Variants in JTB observed in about 807,000 individuals in gnomAD.
The protein encoded by JTB is protein JTB.
A neutral mutation model predicts 22.1 loss-of-function variants in JTB; 10 were observed. That is an observed-to-expected ratio of 0.45 (90% CI 0.28 to 0.77). The LOEUF is 0.77. Among genes scored for constraint, JTB ranks in the 30% least tolerant of loss-of-function variants. The pLI is 0.13. For missense variants in JTB, 137 were observed against 180.3 expected (o/e 0.76, Z 1.38); for synonymous variants, 83 against 66.8 (o/e 1.24, Z -1.18).
At chr1:153,975,386 T>G (rs1648758404) in intron 4 of JTB, among the ~76,000 whole-genome samples, 1 of 148,768 alleles carries the variant, frequency 6.7e-6, no homozygotes, top group African/African-American at 2.5e-5. Context: ...CCCAAAGTGC[T>G]GGGATTACAG....
intron 2 of JTB, 53 bp downstream of exon 2, chr1:153,976,923 C>T (rs920754162): frequency 8.1e-6 from 13 of 1,610,262 alleles, no homozygotes; most frequent in Non-Finnish European, 1.1e-5. Context: ...GGGGAAGATA[C>T]TAAAACCAAA....
rs1648776496 is a variant in JTB, at chr1:153,975,820, A to G, written c.284+6T>C. The G allele has an allele frequency of 9.3e-6, 15 of 1,609,536 alleles. No individual in the cohort carries two copies. The East Asian group carries it at 3.3e-4, about 36-fold the overall frequency. On this transcript the variant is annotated splice_donor_region_variant and intron_variant, in intron 4 of 4. Transcript: ENST00000271843. ...GGTGATCTCAGAGAAGAGAAACAGC[A>G]CTCACCTTTTGAACTCATTTCTCTT...
intron 3 of JTB, 37 bp from the exon 4 acceptor site, chr1:153,975,942 G>T (rs906916047): frequency 2.0e-6 from 3 of 1,469,800 alleles, no homozygotes; most frequent in Non-Finnish European, 2.9e-6. Flanking sequence ...ATGTTAGGAA[G>T]GGGCAACAGG....
In JTB at chr1:153,974,354, C is replaced by T. The variant is rs1039303751; in HGVS notation, c.*325G>A. The T allele has an allele frequency of 1.7e-5, 7 of 419,514 alleles. No homozygotes were observed. Among genetic ancestry groups the T allele is most frequent in the African/African-American group, 5.9e-5 (3 of 51,028 alleles). 26.0% of individuals were successfully genotyped at this position (419,514 alleles called of 1,614,324 possible). A position where few individuals can be genotyped will look rare whatever the true frequency, so the allele number is the denominator to read the frequency against. On this transcript the variant is annotated 3_prime_UTR_variant, in exon 5 of 5. Transcript: ENST00000271843. ...TTTGAGTGAGAAATAAACGTTTTAG[C>T]TGAAATTGTATCCCAGAAGTTTGAA...
rs923598287 is a variant in JTB, at chr1:153,977,364, G to T, written c.-112C>A. 1.5e-5 allele frequency: 22 copies of T among 1,504,172 alleles called. No homozygotes were observed. Among genetic ancestry groups the T allele is most frequent in the Non-Finnish European group, 1.8e-5 (20 of 1,132,286 alleles). 93.2% of individuals were successfully genotyped at this position (1,504,172 alleles called of 1,614,324 possible). A position where few individuals can be genotyped will look rare whatever the true frequency, so the allele number is the denominator to read the frequency against. On this transcript the variant is annotated 5_prime_UTR_variant, in exon 1 of 5. Transcript: ENST00000271843. ...TCTGCAGCCCTCCCAGAGGTTCCAG[G>T]TCAGGGCAGGGAAGGCCGGAGTTGC...
Position 153,976,858 on chromosome 1 carries a change from CGCTTGCCCTCATTCCATGTG to C in JTB, c.121+98_122-84del, listed in dbSNP as rs1239998082. On this transcript the variant is annotated intron_variant, in intron 2 of 4. Transcript: ENST00000271843. ...CTGCCCATCCAACTTCCCGGCACAG[CGCTTGCCCTCATTCCATGTG>C]GTGCCGGCCTTTTCCACCTGTGCTC... is the stretch of plus-strand genomic sequence containing the variant. The C allele has an allele frequency of 1.9e-6, 3 of 1,593,718 alleles. No individual in the cohort carries two copies. The Admixed American group carries it at 5.0e-5, about 27-fold the overall frequency.
At position 153,977,444 on chromosome 1, in the gene JTB, GAT is replaced by G. The variant is rs1409327702; in HGVS notation, c.-194_-193del. 1.5e-5 allele frequency: 21 copies of G among 1,373,846 alleles called. No individual in the cohort carries two copies. In the East Asian group the frequency reaches 1.7e-4, roughly 11 times the overall value. The allele number at this position is 1,373,846 out of a possible 1,614,324, so 85.1% of individuals were successfully genotyped here. On this transcript the variant is annotated 5_prime_UTR_variant, in exon 1 of 5. Coordinates refer to ENST00000271843, the MANE Select transcript of JTB (RefSeq NM_006694.4). Reference sequence around the variant, plus strand: ...CCCCGTTGCCACAGCGAGAAAAATCGATATGTTTTTGCGGGCTAGGGAGGCGA... The same window carrying G: ...CCCCGTTGCCACAGCGAGAAAAATCGATGTTTTTGCGGGCTAGGGAGGCGA...
rs1447098774 is a variant in JTB at position 153,977,302 on chromosome 1, C to T, written c.-50G>A. 1.3e-6 allele frequency: 2 copies of T among 1,598,028 alleles called. No homozygotes were observed. Among genetic ancestry groups the T allele is most frequent in the Non-Finnish European group, 1.7e-6 (2 of 1,172,166 alleles). On this transcript the variant is annotated 5_prime_UTR_variant, in exon 1 of 5. Transcript: ENST00000271843. ...GGAACAGAGGGACCTACTCCACAGG[C>T]CTCGTGCCTCCGTCGGAGCGCAGAG...
rs1366692340 is a variant in JTB, at chr1:153,974,753, G to C, written c.367C>G (p.Leu123Val). The stretch of plus-strand genomic sequence containing the variant: ...AATTGTCGCTGACGAATGATGACAA[G>C]ACAAGCGAAGATCAGGGCCACACAC... ...VVCVALIFAC[L>V]VIIRQRQLDR... Residue 123 changes from leucine (L) to valine (V), a missense_variant, in exon 5 of 5, where the codon CTT becomes GTT. Physicochemically the swap from Leu to Val is conservative, Grantham distance 32. Coordinates refer to ENST00000271843, the MANE Select transcript of JTB (RefSeq NM_006694.4). 6.2e-7 allele frequency: 1 copy of C among 1,613,796 alleles called. No individual in the cohort carries two copies. The highest frequency in any genetic ancestry group is 1.3e-5 in the African/African-American group (1 of 74,924).
At chr1:153,976,066 T>C (rs1380073222) in intron 3 of JTB, among the ~76,000 whole-genome samples, 161 bp from the exon 4 acceptor site, 1 of 152,148 alleles carries the variant, frequency 6.6e-6, no homozygotes, top group East Asian at 1.9e-4. Context: ...GAGGTGGTGG[T>C]TGCATGATTA....
At chr1:153,977,136 G>T in intron 1 of JTB, 34 bp downstream of exon 1, 2 of 1,613,960 alleles carry the variant, frequency 1.2e-6, no homozygotes, top group South Asian at 2.2e-5. Flanking sequence ...GTCCTCCAGT[G>T]ACCTCCTTTT....
chr1:153,976,879 G>A, intron 2 of JTB, 97 bp downstream of exon 2: 3 of 1,599,422 alleles, frequency 1.9e-6, no homozygotes, highest in East Asian at 2.2e-5. Flanking sequence ...ATTCCATGTG[G>A]TGCCGGCCTT....
rs1258102008 is a variant in JTB at position 153,977,593 on chromosome 1, G to A, written c.-341C>T. ...CATCTAGCCCCGTGGAGGATCCTCG[G>A]GCGCGGGACCGAGCTCGGGGCCCGG... On this transcript the variant is annotated 5_prime_UTR_variant, in exon 1 of 5. Coordinates refer to ENST00000271843, the MANE Select transcript of JTB (RefSeq NM_006694.4). The A allele has an allele frequency of 9.7e-7, 1 of 1,034,702 alleles. No homozygotes were observed. Among genetic ancestry groups the A allele is most frequent in the Non-Finnish European group, 1.2e-6 (1 of 860,800 alleles). The allele number at this position is 1,034,702 out of a possible 1,614,324, so 64.1% of individuals were successfully genotyped here.
chr1:153,976,279 C>T (rs990304646), intron 3 of JTB, among the ~76,000 whole-genome samples: 1 of 152,190 alleles, frequency 6.6e-6, no homozygotes, highest in Non-Finnish European at 1.5e-5. Flanking sequence ...CTGGCCAACA[C>T]AGTGAAACCC....
intron 2 of JTB, 72 bp downstream of exon 2, chr1:153,976,904 T>C (rs1327511895): frequency 6.2e-7 from 1 of 1,609,138 alleles, no homozygotes; most frequent in Non-Finnish European, 8.5e-7. Flanking sequence ...ACCTGTGCTC[T>C]TGGTATATGG....
chr1:153,976,456 G>A (rs1648798557), intron 3 of JTB, among the ~76,000 whole-genome samples: 1 of 152,120 alleles, frequency 6.6e-6, no homozygotes, highest in Non-Finnish European at 1.5e-5. Flanking sequence ...GTGAGACTCC[G>A]TCTCAAAAAC....
At chr1:153,974,880 C>G (rs1204306949) in intron 4 of JTB, 45 bp from the exon 5 acceptor site, 2 of 1,575,312 alleles carry the variant, frequency 1.3e-6, no homozygotes, top group Non-Finnish European at 1.7e-6. Flanking sequence ...GGCCAGACAG[C>G]TTCTCCCTCT....
Position 153,977,343 on chromosome 1 carries a change from C to T in JTB, c.-91G>A, listed in dbSNP as rs1157611742. Reference sequence around the variant, plus strand: ...GAGCGCAGAGGCGGCACTTACTCTGCAGCCCTCCCAGAGGTTCCAGGTCAG... The same window carrying T: ...GAGCGCAGAGGCGGCACTTACTCTGTAGCCCTCCCAGAGGTTCCAGGTCAG... On this transcript the variant is annotated 5_prime_UTR_variant, in exon 1 of 5. Transcript: ENST00000271843. 7.8e-6 allele frequency: 12 copies of T among 1,547,780 alleles called. No homozygotes were observed. The highest frequency in any genetic ancestry group is 1.0e-5 in the Non-Finnish European group (12 of 1,151,098).
At position 153,977,059 on chromosome 1, in the gene JTB, T is replaced by C. The variant is rs372071467; in HGVS notation, c.84-46A>G. ...GGGACAAAAGTCAAAACCCAGAAAA[T>C]AGGGCACCCCCTCCTGCGCTGTCCA... On this transcript the variant is annotated intron_variant, in intron 1 of 4. Coordinates refer to ENST00000271843, the MANE Select transcript of JTB (RefSeq NM_006694.4). 1.1e-4 allele frequency: 182 copies of C among 1,613,766 alleles called. 2 individuals are homozygous for C. The South Asian group carries it at 1.6e-3, about 14-fold the overall frequency.
Sources: gnomAD v4.1 joint callset for allele counts (sites outside exome capture counted in the v4.1 genomes callset) on GRCh38, gnomAD v4.1.1 for gene constraint, MANE v1.5 for transcripts, NCBI Gene and HGNC (gene_info 2026-07-23, HGNC 2026-07-21) for gene names.